ADAMTSL2: variants seen among roughly 807,000 people sequenced by gnomAD.
ADAMTSL2 encodes the protein ADAMTS like 2.
In ADAMTSL2, 55 loss-of-function variants were observed where a neutral mutation model predicts 117.0. That is an observed-to-expected ratio of 0.47 (90% CI 0.38 to 0.59). The LOEUF (loss-of-function observed/expected upper bound fraction) is 0.59, where lower values mean the gene tolerates loss of function less well. Ranked by LOEUF, ADAMTSL2 falls within the 20% of genes least tolerant of loss-of-function variation. The pLI, the probability that ADAMTSL2 is intolerant of heterozygous loss-of-function variation, is 0.00. For missense variants in ADAMTSL2, 1,182 were observed against 1,354.5 expected, an observed-to-expected ratio of 0.87 and a Z score of 2.00; for synonymous variants, 572 against 566.4, an observed-to-expected ratio of 1.01 and a Z score of -0.14.
chr9:133,571,063 G>A (rs1298930980), intron 17 of ADAMTSL2, among the ~76,000 whole-genome samples: 10 of 152,314 alleles, frequency 6.6e-5, no homozygotes, highest in African/African-American at 2.2e-4. Context: ...CCAGCGTCAG[G>A]ATGTGAGGCA....
At chr9:133,560,314 G>T (rs1472779218) in intron 11 of ADAMTSL2, among the ~76,000 whole-genome samples, 1 of 152,194 alleles carries the variant, frequency 6.6e-6, no homozygotes, top group Non-Finnish European at 1.5e-5. Context: ...AGGCTCGAAG[G>T]ACCTGCTGTC....
intron 12 of ADAMTSL2, 132 bp from the exon 13 acceptor site, chr9:133,566,804 C>G: frequency 8.1e-7 from 1 of 1,238,272 alleles, no homozygotes; most frequent in Non-Finnish European, 1.1e-6. Flanking sequence ...CACAGTTGCA[C>G]AAGCTGTGAC....
chr9:133,568,718 C>T lies in ADAMTSL2; in HGVS notation c.2204C>T (p.Pro735Leu), dbSNP rs1173899987. ...GTAGGGGAGAAGAACTGCACGGGCC[C>T]GCCCTGTGACCGGCAGTGGACCGTC... Reference protein sequence around the residue: ...RPVGEKNCTGPPCDRQWTVSD... With the variant: ...RPVGEKNCTGLPCDRQWTVSD... Residue 735 changes from proline to leucine, a missense_variant, in exon 15 of 19, where the codon CCG (proline) becomes CTG (leucine). Coordinates refer to ENST00000651351, the MANE Select transcript of ADAMTSL2 (RefSeq NM_014694.4). 3.7e-6 allele frequency: 6 copies of T among 1,613,106 alleles called. No homozygotes were observed. The highest frequency in any genetic ancestry group is 1.3e-5 in the African/African-American group (1 of 74,928).
chr9:133,573,338 G>C (rs2131191187), intron 17 of ADAMTSL2, among the ~76,000 whole-genome samples: 1 of 152,312 alleles, frequency 6.6e-6, no homozygotes, highest in South Asian at 2.1e-4. Flanking sequence ...CCACTGGAGG[G>C]GGTGGTGACT....
At chr9:133,565,839 C>CCA (rs71281253) in intron 12 of ADAMTSL2, among the ~76,000 whole-genome samples, 40,592 of 143,836 alleles carry the variant, frequency 0.28, 5,681 homozygotes, top group East Asian at 0.47. Context: ...TCTCCCGTGG[C>CCA]CACACACACA....
rs574822245 is a variant in ADAMTSL2, at chr9:133,549,883, G to A, written c.939+2670G>A. Among the ~76,000 whole-genome samples, 7 of 152,328 alleles carry A rather than the reference G, an allele frequency of 4.6e-5. No individual in the cohort carries two copies. The South Asian group carries it at 1.4e-3, about 32-fold the overall frequency. ...TCTCCAGACCACAGACCCCAGAGCT[G>A]CAGGGATGGGGAACACACAGTCCCC... On this transcript the variant is annotated intron_variant, in intron 9 of 18. Transcript: ENST00000651351.
chr9:133,569,942 C>G (rs1316122610), intron 16 of ADAMTSL2, among the ~76,000 whole-genome samples: 1 of 152,214 alleles, frequency 6.6e-6, no homozygotes, highest in Non-Finnish European at 1.5e-5. Context: ...TCTTCCGCAC[C>G]CACCTGTCAT....
Position 133,555,563 on chromosome 9 carries a change from A to G in ADAMTSL2, c.1282A>G (p.Asn428Asp). 7.4e-6 allele frequency: 12 copies of G among 1,612,978 alleles called. No homozygotes were observed. Among genetic ancestry groups the G allele is most frequent in the Non-Finnish European group, 1.0e-5 (12 of 1,180,016 alleles). ...PPRGKGFRDR[N>D]VTGTPLTGDK... The stretch of plus-strand genomic sequence containing the variant: ...GCCACCTGTCTCCTCTCCAGACCGC[A>G]ACGTCACGGGGACTCCTCTCACCGG... Residue 428 changes from asparagine (N) to aspartate (D), a missense_variant, in exon 11 of 19, where the codon AAC (asparagine) becomes GAC (aspartate). Asn to Asp is a conservative substitution (Grantham distance 23). Transcript: ENST00000651351.
At position 133,575,106 on chromosome 9, in the gene ADAMTSL2, C is replaced by T. The variant is rs372143951; in HGVS notation, c.*242C>T. 4.8e-4 allele frequency: 264 copies of T among 554,104 alleles called. No homozygotes were observed. The highest frequency in any genetic ancestry group is 3.6e-3 in the African/African-American group (190 of 53,024). The allele number at this position is 554,104 out of a possible 1,614,324, so 34.3% of individuals were successfully genotyped here. A position where few individuals can be genotyped will look rare whatever the true frequency, so the allele number is the denominator to read the frequency against. ...GCCACCCCTGCCGTGGGAACCTGTCCGTGTTCCTGCGTGGATCCTGTGTTT... is the reference window on the plus strand; with the variant it reads ...GCCACCCCTGCCGTGGGAACCTGTCTGTGTTCCTGCGTGGATCCTGTGTTT... On this transcript the variant is annotated 3_prime_UTR_variant, in exon 19 of 19. Transcript: ENST00000651351.
Position 133,573,857 on chromosome 9 carries a change from C to T in ADAMTSL2, c.2607C>T (p.Cys869=), listed in dbSNP as rs1480124506. The stretch of plus-strand genomic sequence containing the variant: ...TCCCACACCAGTGCACCAAGACCTG[C>T]GGGGTGGGCGTGAGGATGCGAGACG... ...TSPWSECTKT[C]GVGVRMRDVK... Residue 869 remains cysteine (C), a synonymous_variant, in exon 18 of 19, where the codon TGC becomes TGT. Transcript: ENST00000651351. 8.1e-6 allele frequency: 13 copies of T among 1,614,046 alleles called. No homozygotes were observed. In the East Asian group the frequency reaches 8.9e-5, roughly 11 times the overall value.
Position 133,569,379 on chromosome 9 carries a change from ATGTCCCCTGCC to A in ADAMTSL2, c.2245-23_2245-13del, listed in dbSNP as rs1831052152. 1.9e-6 allele frequency: 3 copies of A among 1,610,144 alleles called. No individual in the cohort carries two copies. In the Admixed American group the frequency reaches 5.0e-5, roughly 27 times the overall value. On this transcript the variant is annotated intron_variant, in intron 15 of 18. Coordinates refer to ENST00000651351, the MANE Select transcript of ADAMTSL2 (RefSeq NM_014694.4). ...TCCTGGTGTGGCTGCCTCTCACTGGATGTCCCCTGCCTGTCCTCTCCCCTGCAGTGCAGTGG... is the reference window on the plus strand; with the variant it reads ...TCCTGGTGTGGCTGCCTCTCACTGGATGTCCTCTCCCCTGCAGTGCAGTGG...
At chr9:133,538,593 G>C (rs1313085570) in intron 4 of ADAMTSL2, among the ~76,000 whole-genome samples, 169 bp downstream of exon 4, 1 of 151,554 alleles carries the variant, frequency 6.6e-6, no homozygotes, top group Non-Finnish European at 1.5e-5. Flanking sequence ...CCCTGGGCTA[G>C]TACGGAGCCA....
chr9:133,547,098 A>G lies in ADAMTSL2; in HGVS notation c.824A>G (p.Lys275Arg). 6.2e-7 allele frequency: 1 copy of G among 1,613,924 alleles called. No individual in the cohort carries two copies. The highest frequency in any genetic ancestry group is 1.1e-5 in the South Asian group (1 of 91,072). ...GGCAACTACAAGGTGGACAGCCCCAAGAACTTCAACATCGCAGGCACGGTG... is the reference window on the plus strand; with the variant it reads ...GGCAACTACAAGGTGGACAGCCCCAGGAACTTCAACATCGCAGGCACGGTG... ...FNGNYKVDSPKNFNIAGTVVK... is the reference protein window; with the variant it reads ...FNGNYKVDSPRNFNIAGTVVK... Residue 275 changes from lysine (K) to arginine (R), a missense_variant, in exon 9 of 19, where the codon AAG becomes AGG. Around this residue, in one of 3 missense-constraint regions of ADAMTSL2, gnomAD observed 372 missense variants for 463.4 expected, o/e 0.80. Coordinates refer to ENST00000651351, the MANE Select transcript of ADAMTSL2 (RefSeq NM_014694.4).
intron 7 of ADAMTSL2, among the ~76,000 whole-genome samples, chr9:133,542,399 G>A (rs1830246400): frequency 6.6e-6 from 1 of 152,188 alleles, no homozygotes; most frequent in Admixed American, 6.5e-5. Flanking sequence ...GCCTCCTGCT[G>A]GACCCAGGGC....
chr9:133,550,295 A>G (rs570152001), intron 9 of ADAMTSL2, among the ~76,000 whole-genome samples: 2 of 152,354 alleles, frequency 1.3e-5, no homozygotes, highest in South Asian at 4.1e-4. Context: ...GAGATGCCCC[A>G]TCCTCACGGG....
intron 4 of ADAMTSL2, 118 bp from the exon 5 acceptor site, chr9:133,539,653 A>ACGGCTGTCCCGGCTGTCCCGGCTGTC: frequency 1.5e-6 from 1 of 686,568 alleles, no homozygotes; most frequent in Non-Finnish European, 2.5e-6. Context: ...TGGCCCCCGC[A>ACGGCTGTCCCGGCTGTCCCGGCTGTC]CGGCTGTCCC....
In ADAMTSL2 at chr9:133,572,405, G is replaced by A. The variant is rs939371727; in HGVS notation, c.2593-1438G>A. On this transcript the variant is annotated intron_variant, in intron 17 of 18. Transcript: ENST00000651351. The stretch of plus-strand genomic sequence containing the variant: ...GGGAGTCAGCTGGAGAGACCACGGC[G>A]TGCCGGGCCCTGAAGCCTCCTTCTG... Among the ~76,000 whole-genome samples, 9 of 152,260 alleles carry A rather than the reference G, an allele frequency of 5.9e-5. No individual in the cohort carries two copies. In the South Asian group the frequency reaches 6.2e-4, roughly 11 times the overall value.
chr9:133,549,999 T>C (rs1029883271), intron 9 of ADAMTSL2, among the ~76,000 whole-genome samples: 1 of 152,202 alleles, frequency 6.6e-6, no homozygotes, highest in Non-Finnish European at 1.5e-5. Context: ...GCACCAGGAC[T>C]AGGCACAGGG....
chr9:133,537,741 G>T (rs1353149690), intron 3 of ADAMTSL2, among the ~76,000 whole-genome samples, 194 bp downstream of exon 3: 1 of 152,222 alleles, frequency 6.6e-6, no homozygotes, highest in Admixed American at 6.5e-5. Context: ...GGTGCTCTGG[G>T]GTCCTTCATG....
Sources: gnomAD v4.1 joint callset for allele counts (sites outside exome capture counted in the v4.1 genomes callset) on GRCh38, gnomAD v4.1.1 for gene constraint, gnomAD v4.1.1 regional missense constraint, MANE v1.5 for transcripts, NCBI Gene and HGNC (gene_info 2026-07-23, HGNC 2026-07-21) for gene names.